TCF12: variants seen among roughly 807,000 people sequenced by gnomAD.
TCF12 encodes transcription factor 12.
Under a neutral mutation model 86.0 loss-of-function variants are expected in TCF12, and 45 were observed. The ratio of observed to expected loss-of-function variants is 0.52; its 90% CI spans 0.41 to 0.67. The LOEUF is 0.67. TCF12 is among the 30% of genes least tolerant of loss of function. The probability of loss-of-function intolerance (pLI) is 0.00; values close to 1 mark genes in which losing one functional copy is unlikely to be tolerated. For missense variants in TCF12, 881 were observed against 859.9 expected, an observed-to-expected ratio of 1.02 and a Z score of -0.31; for synonymous variants, 330 against 299.6, an observed-to-expected ratio of 1.10 and a Z score of -1.05.
chr15:57,071,591 A>G (rs971846933), intron 4 of TCF12, among the ~76,000 whole-genome samples: 1 of 152,158 alleles, frequency 6.6e-6, no homozygotes, highest in African/African-American at 2.4e-5. Flanking sequence ...GCCTTACTAC[A>G]CTCTAGCCTG....
chr15:57,257,100 C>T (rs2060381121), intron 16 of TCF12, among the ~76,000 whole-genome samples: 1 of 152,112 alleles, frequency 6.6e-6, no homozygotes, highest in Non-Finnish European at 1.5e-5. Context: ...GGCTGTATTC[C>T]AATAAAACTT....
intron 3 of TCF12, among the ~76,000 whole-genome samples, chr15:56,980,267 G>A (rs543382429): frequency 3.3e-5 from 5 of 152,292 alleles, no homozygotes; most frequent in South Asian, 2.1e-4. Context: ...AGTTAGCTTG[G>A]ATGTTGAAAT....
intron 13 of TCF12, chr15:57,247,539 A>G: frequency 2.2e-6 from 2 of 914,864 alleles, no homozygotes; most frequent in East Asian, 4.8e-5. Context: ...AAAGTTATAA[A>G]AGCAAATCCT....
chr15:57,245,670 A>T (rs909844184), intron 13 of TCF12, among the ~76,000 whole-genome samples: 19 of 152,274 alleles, frequency 1.2e-4, no homozygotes, highest in South Asian at 8.3e-4. Flanking sequence ...TTTCCAAAAA[A>T]CTAGTGGTCA....
intron 5 of TCF12, among the ~76,000 whole-genome samples, chr15:57,110,167 C>T (rs2050392816): frequency 6.6e-6 from 1 of 152,024 alleles, no homozygotes; most frequent in African/African-American, 2.4e-5. Context: ...AATTGACTAC[C>T]TTGAAAGATA....
intron 18 of TCF12, among the ~76,000 whole-genome samples, chr15:57,271,449 G>A (rs931272409): frequency 1.3e-5 from 2 of 152,216 alleles, no homozygotes; most frequent in Admixed American, 6.5e-5. Flanking sequence ...TGGGAAAAGC[G>A]CAGTATTTGG....
In TCF12 at chr15:57,083,827, C is replaced by T. The variant is rs1332091829; in HGVS notation, c.223-7962C>T. Among the ~76,000 whole-genome samples, 3 of 152,280 alleles carry T rather than the reference C, an allele frequency of 2.0e-5. No individual in the cohort carries two copies. In the East Asian group the frequency reaches 5.8e-4, roughly 29 times the overall value. On this transcript the variant is annotated intron_variant, in intron 4 of 20. Coordinates refer to ENST00000333725, the MANE Select transcript of TCF12 (RefSeq NM_207037.2). ...AACACCTGGGCTGAAGTGATCCTCC[C>T]ACCTCGGCTTCCCAAAGTATTGGGA... is the stretch of plus-strand genomic sequence containing the variant.
At position 56,928,023 on chromosome 15, in the gene TCF12, A is replaced by G. The variant is rs1210629697; in HGVS notation, c.148+6925A>G. 3.9e-5 allele frequency among the ~76,000 whole-genome samples: 6 copies of G among 152,250 alleles called. No homozygotes were observed. The South Asian group carries it at 1.2e-3, about 32-fold the overall frequency. ...AGTGGAGTCTAATTGGAGTCTTGTC[A>G]GTGAGAGAGCCCTTGAATTCCTGAC... On this transcript the variant is annotated intron_variant, in intron 3 of 20. Transcript: ENST00000333725.
chr15:56,966,776 A>G (rs555859161), intron 3 of TCF12, among the ~76,000 whole-genome samples: 2 of 152,366 alleles, frequency 1.3e-5, no homozygotes, highest in Admixed American at 6.5e-5. Flanking sequence ...TGTAGTGTCA[A>G]TAATTATAAA....
At chr15:56,944,371 G>A (rs2060905231) in intron 3 of TCF12, among the ~76,000 whole-genome samples, 1 of 152,098 alleles carries the variant, frequency 6.6e-6, no homozygotes, top group Admixed American at 6.6e-5. Flanking sequence ...TTTATTTTCA[G>A]CCGAGAGCAA....
chr15:57,075,804 T>TTCTTTCTCTCTCTCTCTCTCTCTCTC (rs1461514777), intron 4 of TCF12, among the ~76,000 whole-genome samples: 10 of 28,592 alleles, frequency 3.5e-4, no homozygotes, highest in Non-Finnish European at 6.4e-4. Context: ...CTTTCTTTCT[T>TTCTTTCTCTCTCTCTCTCTCTCTCTC]TCTCTCTCTC....
chr15:57,127,746 C>T (rs1783925682), intron 5 of TCF12, among the ~76,000 whole-genome samples: 5 of 152,112 alleles, frequency 3.3e-5, no homozygotes, highest in Admixed American at 2.6e-4. Flanking sequence ...TATGGTGCCC[C>T]ATAGGAAGAG....
chr15:57,253,674 T>A (rs140962754), intron 16 of TCF12, among the ~76,000 whole-genome samples: 1 of 152,334 alleles, frequency 6.6e-6, no homozygotes, highest in Non-Finnish European at 1.5e-5. Context: ...AGCATAAGCT[T>A]TCTACAGAGA....
chr15:57,169,939 C>G (rs2055187360), intron 6 of TCF12, among the ~76,000 whole-genome samples: 1 of 152,150 alleles, frequency 6.6e-6, no homozygotes, highest in South Asian at 2.1e-4. Context: ...ACATTTAATT[C>G]TCATATCAAA....
chr15:57,245,002 G>A (rs1566976678), intron 13 of TCF12, among the ~76,000 whole-genome samples: 2 of 152,150 alleles, frequency 1.3e-5, no homozygotes, highest in South Asian at 2.1e-4. Flanking sequence ...GAAAAAATAT[G>A]TTAGATTGTT....
intron 4 of TCF12, among the ~76,000 whole-genome samples, chr15:57,072,273 A>G (rs1391588470): frequency 2.0e-5 from 3 of 152,212 alleles, no homozygotes; most frequent in Admixed American, 6.5e-5. Context: ...GACTCACTTC[A>G]CCCACAAAAT....
At chr15:56,998,246 C>T (rs1343869077) in intron 3 of TCF12, among the ~76,000 whole-genome samples, 2 of 152,084 alleles carry the variant, frequency 1.3e-5, no homozygotes, top group Non-Finnish European at 1.5e-5. Flanking sequence ...CACTTGAGGT[C>T]AGGAGTTCTA....
At chr15:57,229,782 G>C (rs2059048070) in intron 8 of TCF12, among the ~76,000 whole-genome samples, 1 of 151,820 alleles carries the variant, frequency 6.6e-6, no homozygotes, top group South Asian at 2.1e-4. Context: ...CATCTGATCT[G>C]CCCATCAGTC....
chr15:57,155,958 A>G (rs2054084190), intron 5 of TCF12, among the ~76,000 whole-genome samples: 1 of 152,218 alleles, frequency 6.6e-6, no homozygotes, highest in South Asian at 2.1e-4. Context: ...TCATTTCTAT[A>G]TTACATAGGT....
Sources: gnomAD v4.1 joint callset for allele counts (sites outside exome capture counted in the v4.1 genomes callset) on GRCh38, gnomAD v4.1.1 for gene constraint, MANE v1.5 for transcripts, NCBI Gene and HGNC (gene_info 2026-07-23, HGNC 2026-07-21) for gene names.